The following GPR139 variants were observed in gnomAD, a reference collection of about 807,000 sequenced individuals.
GPR139 encodes probable G protein-coupled receptor 139.
A neutral mutation model predicts 25.8 loss-of-function variants in GPR139; 12 were observed. The observed-to-expected ratio is 0.47, with a 90% confidence interval of 0.30 to 0.75. The LOEUF is 0.75. Among genes scored for constraint, GPR139 ranks in the 30% least tolerant of loss-of-function variants. The pLI is 0.07. For missense variants in GPR139, 380 were observed against 450.2 expected (o/e 0.84, Z 1.41); for synonymous variants, 184 against 179.9 (o/e 1.02, Z -0.18).
intron 1 of GPR139, among the ~76,000 whole-genome samples, chr16:20,036,621 T>C (rs2057310945): frequency 6.6e-6 from 1 of 152,160 alleles, no homozygotes; most frequent in South Asian, 2.1e-4. Flanking sequence ...TGAGACTTAT[T>C]CACTATCATG....
At chr16:20,040,947 A>C (rs956936743) in intron 1 of GPR139, among the ~76,000 whole-genome samples, 1 of 151,674 alleles carries the variant, frequency 6.6e-6, no homozygotes, top group Non-Finnish European at 1.5e-5. Flanking sequence ...AGTTCTCTGC[A>C]TCCTAAATTT....
rs2057294732 is a variant in GPR139 at position 20,032,566 on chromosome 16, G to A, written c.231C>T (p.Leu77=). 6.2e-7 allele frequency: 1 copy of A among 1,614,190 alleles called. No homozygotes were observed. Among genetic ancestry groups the A allele is most frequent in the South Asian group, 1.1e-5 (1 of 91,074 alleles). The change falls in exon 2 of 2, where the codon CTC becomes CTT. Residue 77 remains leucine (L), a synonymous_variant. Transcript: ENST00000570682. ...GGAAGTCCACAAACACTATGAAAAA[G>A]AGGACCAAGATGTCGGCAGCAGCGA... is the stretch of plus-strand genomic sequence containing the variant. ...LALAAADILV[L]FFIVFVDFLL...
At chr16:20,068,498 G>C (rs1053692176) in intron 1 of GPR139, among the ~76,000 whole-genome samples, 2 of 152,164 alleles carry the variant, frequency 1.3e-5, no homozygotes, top group Admixed American at 1.3e-4. Flanking sequence ...TTAGTTCTTA[G>C]GAGTTTTTGT....
Position 20,073,600 on chromosome 16 carries a change from G to A in GPR139, c.17C>T (p.Ala6Val). MEHTH[A>V]HLAANSSLSW... ...CAGCGAGCTGTTGGCTGCGAGGTGGGCGTGCGTGTGCTCCATGAGCGCGCC... is the reference window on the plus strand; with the variant it reads ...CAGCGAGCTGTTGGCTGCGAGGTGGACGTGCGTGTGCTCCATGAGCGCGCC... Residue 6 changes from alanine to valine, a missense_variant, in exon 1 of 2, where the codon GCC (alanine) becomes GTC (valine). By Grantham distance (64) the Ala-to-Val change is moderately conservative. Coordinates refer to ENST00000570682, the MANE Select transcript of GPR139 (RefSeq NM_001002911.4). The surrounding 1 kb of genome is among the most constrained non-coding windows in gnomAD (Gnocchi z 4.7). The A allele has an allele frequency of 6.2e-7, 1 of 1,608,694 alleles. No individual in the cohort carries two copies. Among genetic ancestry groups the A allele is most frequent in the South Asian group, 1.1e-5 (1 of 89,876 alleles).
Position 20,029,488 on chromosome 16 carries a change from T to TAAATAA in GPR139, c.*2246_*2247insTTATTT, listed in dbSNP as rs2057279485. ...TGTTTAAAAAATAAATAAATAAATA[T>TAAATAA]ATATATATATATATATTCAGTATAG... On this transcript the variant is annotated 3_prime_UTR_variant, in exon 2 of 2. Transcript: ENST00000570682. Among the ~76,000 whole-genome samples the TAAATAA allele has an allele frequency of 7.0e-5, 5 of 70,934 alleles. No individual in the cohort carries two copies. The highest frequency in any genetic ancestry group is 4.4e-4 in the South Asian group (1 of 2,274). The allele number at this position is 70,934 out of a possible 152,430, so 46.5% of individuals were successfully genotyped here.
intron 1 of GPR139, among the ~76,000 whole-genome samples, chr16:20,056,258 G>A (rs1261601530): frequency 1.3e-5 from 2 of 152,148 alleles, no homozygotes; most frequent in African/African-American, 4.8e-5. Context: ...CTTTCTTTTT[G>A]CACGTCATAC....
intron 1 of GPR139, among the ~76,000 whole-genome samples, chr16:20,069,526 A>G (rs2057451912): frequency 2.0e-5 from 3 of 152,222 alleles, no homozygotes; most frequent in South Asian, 4.1e-4. Context: ...CTGCCAGGCT[A>G]CAGACTCATC....
chr16:20,058,444 G>C (rs2057399309), intron 1 of GPR139, among the ~76,000 whole-genome samples: 1 of 152,182 alleles, frequency 6.6e-6, no homozygotes, highest in Non-Finnish European at 1.5e-5. Flanking sequence ...ACAGAAGCGA[G>C]AGAAACAGAT....
chr16:20,041,357 C>T (rs947955244), intron 1 of GPR139, among the ~76,000 whole-genome samples: 4 of 151,084 alleles, frequency 2.6e-5, no homozygotes, highest in African/African-American at 9.7e-5. Context: ...ACAATTGCAG[C>T]GGTGTTATTT....
At chr16:20,057,960 C>A (rs1247481695) in intron 1 of GPR139, among the ~76,000 whole-genome samples, 1 of 152,184 alleles carries the variant, frequency 6.6e-6, no homozygotes, top group Non-Finnish European at 1.5e-5. Context: ...GCATCATTAT[C>A]CCCTGTAGTC....
At chr16:20,065,577 A>G (rs147523265) in intron 1 of GPR139, among the ~76,000 whole-genome samples, 36 of 152,310 alleles carry the variant, frequency 2.4e-4, no homozygotes, top group African/African-American at 7.7e-4. Context: ...TCAAAGAATC[A>G]TAAGTTAAAT....
At chr16:20,061,975 A>G (rs72772765) in intron 1 of GPR139, among the ~76,000 whole-genome samples, 5,845 of 152,288 alleles carry the variant, frequency 0.038, 142 homozygotes, top group Non-Finnish European at 0.056. Flanking sequence ...TTTTCCATCA[A>G]GGGCATTGTA....
rs781480460 is a variant in GPR139 at position 20,031,108 on chromosome 16, G to A, written c.*627C>T. 8.5e-5 allele frequency among the ~76,000 whole-genome samples: 13 copies of A among 152,088 alleles called. No individual in the cohort carries two copies. Among genetic ancestry groups the A allele is most frequent in the Non-Finnish European group, 1.5e-4 (10 of 68,024 alleles). ...CCCAGGTTTGAGGTCACAGCTATGC[G>A]GGTTTGGAGATTTCCTGAAGAAGCT... On this transcript the variant is annotated 3_prime_UTR_variant, in exon 2 of 2. Coordinates refer to ENST00000570682, the MANE Select transcript of GPR139 (RefSeq NM_001002911.4).
In GPR139 at chr16:20,033,993, A is replaced by T. The variant is rs200136780; in HGVS notation, c.128-1324T>A. ...TAATTTCTGATCAGTTTTTTTTTTA[A>T]AAAAAGTCTCCCTGAATTAAGCATA... On this transcript the variant is annotated intron_variant, in intron 1 of 1. Coordinates refer to ENST00000570682, the MANE Select transcript of GPR139 (RefSeq NM_001002911.4). 1.9e-3 allele frequency among the ~76,000 whole-genome samples: 253 copies of T among 135,946 alleles called. 2 individuals carry two copies. Among genetic ancestry groups the T allele is most frequent in the African/African-American group, 5.8e-3 (205 of 35,162 alleles). The allele number at this position is 135,946 out of a possible 152,430, so 89.2% of individuals were successfully genotyped here. A position where few individuals can be genotyped will look rare whatever the true frequency, so the allele number is the denominator to read the frequency against.
rs759200829 is a variant in GPR139 at position 20,073,546 on chromosome 16, C to T, written c.71G>A (p.Gly24Asp). 5 of 1,605,602 alleles carry T rather than the reference C, an allele frequency of 3.1e-6. No individual in the cohort carries two copies. The East Asian group carries it at 1.1e-4, about 36-fold the overall frequency. The change falls in exon 1 of 2, where the codon GGC (glycine) becomes GAC (aspartate). Residue 24 changes from glycine to aspartate, a missense_variant. Coordinates refer to ENST00000570682, the MANE Select transcript of GPR139 (RefSeq NM_001002911.4). This position sits in a 1 kb window ranked among gnomAD's most constrained non-coding sequence, Gnocchi z 4.7. ...LSWWSPGSAC[G>D]LGFVPVVYYS... is the part of the protein sequence containing the mutation. ...GTAGACCACGGGCACGAAACCCAAG[C>T]CGCAGGCCGAGCCGGGGGACCACCA...
At chr16:20,067,931 C>A (rs933532067) in intron 1 of GPR139, among the ~76,000 whole-genome samples, 1 of 150,606 alleles carries the variant, frequency 6.6e-6, no homozygotes, top group Non-Finnish European at 1.5e-5. Context: ...AGAAAGCCAT[C>A]GTGGATGATT....
intron 1 of GPR139, among the ~76,000 whole-genome samples, chr16:20,051,016 T>C (rs1209957137): frequency 7.2e-5 from 10 of 139,266 alleles, no homozygotes; most frequent in Non-Finnish European, 1.2e-4. Context: ...TGAGTGGAGA[T>C]CGTGCCACTG....
At chr16:20,042,866 T>C (rs1243427598) in intron 1 of GPR139, among the ~76,000 whole-genome samples, 1 of 152,204 alleles carries the variant, frequency 6.6e-6, no homozygotes, top group Non-Finnish European at 1.5e-5. Context: ...TGGTAATGGC[T>C]GTCTGGGTGC....
At chr16:20,050,148 C>T (rs2057367143) in intron 1 of GPR139, among the ~76,000 whole-genome samples, 1 of 152,156 alleles carries the variant, frequency 6.6e-6, no homozygotes, top group African/African-American at 2.4e-5. Context: ...GCTATGGGAG[C>T]ACTTAGGAAG....
Sources: allele counts gnomAD v4.1 joint callset (sites outside exome capture counted in the v4.1 genomes callset), GRCh38; gene constraint gnomAD v4.1.1; non-coding constraint Gnocchi (gnomAD v3.1); transcripts MANE v1.5; gene names NCBI Gene and HGNC (gene_info 2026-07-23, HGNC 2026-07-21).